Variants in LARP1 observed in about 807,000 individuals in gnomAD.
The protein encoded by LARP1 is la-related protein 1.
A neutral mutation model predicts 122.7 loss-of-function variants in LARP1; 36 were observed. The ratio of observed to expected loss-of-function variants is 0.29; its 90% CI spans 0.22 to 0.39. LARP1 has a LOEUF of 0.39. Ranked by LOEUF, LARP1 falls within the 10% of genes least tolerant of loss-of-function variation. LARP1 has a pLI of 1.00. For synonymous variants in LARP1, 539 were observed against 528.7 expected (o/e 1.02, Z -0.27); for missense variants, 1,040 against 1,403.6 (o/e 0.74, Z 4.14).
intron 1 of LARP1, among the ~76,000 whole-genome samples, chr5:154,766,827 T>C (rs896336049): frequency 1.3e-5 from 2 of 152,238 alleles, no homozygotes; most frequent in African/African-American, 4.8e-5. Context: ...CAGCCCAGTT[T>C]CCTAGTTGTC....
chr5:154,728,837 CT>C (rs1285763058), intron 1 of LARP1, among the ~76,000 whole-genome samples: 6 of 152,136 alleles, frequency 3.9e-5, no homozygotes, highest in Non-Finnish European at 8.8e-5. Context: ...GGGCTGAGAT[CT>C]AGATCTTTTT....
At chr5:154,689,460 A>C (rs1267128427) in intron 1 of LARP1, among the ~76,000 whole-genome samples, 5 of 151,858 alleles carry the variant, frequency 3.3e-5, no homozygotes, top group Non-Finnish European at 7.4e-5. Flanking sequence ...CAAAAAAATA[A>C]AAAATAAAAA....
chr5:154,803,887 C>G lies in LARP1; in HGVS notation c.2439+142C>G. The G allele has an allele frequency of 2.2e-6, 2 of 917,358 alleles. No homozygotes were observed. The highest frequency in any genetic ancestry group is 3.4e-6 in the Non-Finnish European group (2 of 595,838). The allele number at this position is 917,358 out of a possible 1,614,324, so 56.8% of individuals were successfully genotyped here. A position where few individuals can be genotyped will look rare whatever the true frequency, so the allele number is the denominator to read the frequency against. ...CTGTGTTCTGAGGCTGGTGGGCTTA[C>G]CTAGGATTAGGTAGCCACATCTGCA... On this transcript the variant is annotated intron_variant, in intron 13 of 18. Coordinates refer to ENST00000518297, the MANE Select transcript of LARP1 (RefSeq NM_033551.3). The surrounding 1 kb of genome is among the most constrained non-coding windows in gnomAD (Gnocchi z 4.4).
At chr5:154,761,236 TA>T (rs1290658002) in intron 1 of LARP1, among the ~76,000 whole-genome samples, 1 of 152,220 alleles carries the variant, frequency 6.6e-6, no homozygotes, top group African/African-American at 2.4e-5. Flanking sequence ...AGTTTCATAC[TA>T]ACCCGGAAGT....
exon 1 of LARP1, among the ~76,000 whole-genome samples, chr5:154,683,016 T>C (rs1197554794): frequency 6.6e-6 from 1 of 152,112 alleles, no homozygotes; most frequent in Non-Finnish European, 1.5e-5. Context: ...CTGCCGGCCG[T>C]GCTGGGAGAG....
intron 1 of LARP1, among the ~76,000 whole-genome samples, chr5:154,706,282 C>T (rs113079431): frequency 0.066 from 9,383 of 142,248 alleles, 458 homozygotes; most frequent in East Asian, 0.17. Flanking sequence ...AGACAGAGTG[C>T]GACTTTGTCT....
intron 1 of LARP1, among the ~76,000 whole-genome samples, chr5:154,724,119 G>A (rs1756055348): frequency 6.6e-6 from 1 of 152,202 alleles, no homozygotes; most frequent in Admixed American, 6.6e-5. Flanking sequence ...AGATTTCACT[G>A]GTTGTTGTGA....
intron 1 of LARP1, among the ~76,000 whole-genome samples, chr5:154,690,794 G>A (rs1048273865): frequency 6.6e-6 from 1 of 152,246 alleles, no homozygotes; most frequent in Non-Finnish European, 1.5e-5. Flanking sequence ...CGGCCTGGCG[G>A]GACAGGGCGC....
At chr5:154,690,861 A>G (rs1375076433) in intron 1 of LARP1, among the ~76,000 whole-genome samples, 5 of 152,186 alleles carry the variant, frequency 3.3e-5, no homozygotes, top group Non-Finnish European at 7.3e-5. Context: ...GGTAAAATAG[A>G]TATAAAAAAA....
intron 1 of LARP1, among the ~76,000 whole-genome samples, chr5:154,726,180 C>A (rs1402161530): frequency 1.3e-5 from 2 of 152,070 alleles, no homozygotes; most frequent in African/African-American, 4.8e-5. Context: ...AAGGGCAACA[C>A]CCTAGGAGTA....
At chr5:154,764,968 CG>C (rs1303396975) in intron 1 of LARP1, among the ~76,000 whole-genome samples, 1 of 152,000 alleles carries the variant, frequency 6.6e-6, no homozygotes, top group Non-Finnish European at 1.5e-5. Context: ...TGTACCGCCT[CG>C]TCTCTTGCTG....
rs114985601 is a variant in LARP1 at position 154,776,694 on chromosome 5, G to T, written c.437-13631G>T. On this transcript the variant is annotated intron_variant, in intron 1 of 18. Transcript: ENST00000518297. ...TTCTGGAGTTTATAGAGGGAGTCAA[G>T]AATCTGCATTTCTCCCAAGCCAGCC... Among the ~76,000 whole-genome samples, 1,262 of 152,314 alleles carry T rather than the reference G, an allele frequency of 8.3e-3. 12 individuals are homozygous for T. Among genetic ancestry groups the T allele is most frequent in the Non-Finnish European group, 0.013 (862 of 68,020 alleles).
chr5:154,691,206 G>T (rs1404750927), intron 1 of LARP1, among the ~76,000 whole-genome samples: 1 of 150,064 alleles, frequency 6.7e-6, no homozygotes, highest in Non-Finnish European at 1.5e-5. Context: ...AGCTTGCAGT[G>T]AGCCGAGATC....
intron 1 of LARP1, among the ~76,000 whole-genome samples, chr5:154,756,766 G>A (rs1055564682): frequency 2.0e-5 from 3 of 152,154 alleles, no homozygotes; most frequent in Admixed American, 1.3e-4. Context: ...TTTGGAGACG[G>A]GTTGAGGGGT....
In LARP1 at chr5:154,717,683, A is replaced by G. The variant is rs539282885; in HGVS notation, c.205+4553A>G. Reference sequence around the variant, plus strand: ...GTGATATCAGTACTGGTAGGATGCCAATTCCCAATACTTTGATCAAAAAGT... The same window carrying G: ...GTGATATCAGTACTGGTAGGATGCCGATTCCCAATACTTTGATCAAAAAGT... On this transcript the variant is annotated intron_variant, in intron 1 of 18. Coordinates refer to the LARP1 transcript ENST00000336314. Among the ~76,000 whole-genome samples, 9 of 152,274 alleles carry G rather than the reference A, an allele frequency of 5.9e-5. No homozygotes were observed. The East Asian group carries it at 1.7e-3, about 29-fold the overall frequency.
intron 1 of LARP1, among the ~76,000 whole-genome samples, chr5:154,777,791 A>G (rs972337589): frequency 3.9e-5 from 6 of 152,178 alleles, no homozygotes; most frequent in African/African-American, 1.2e-4. Flanking sequence ...AAGTATCTCA[A>G]CTACCCCATA....
chr5:154,756,197 G>T lies in LARP1; in HGVS notation c.436+4G>T. 7.8e-7 allele frequency: 1 copy of T among 1,275,280 alleles called. No homozygotes were observed. 79.0% of individuals were successfully genotyped at this position (1,275,280 alleles called of 1,614,324 possible). ...GTGAACGGACAGTCCCCCCCAGGTG[G>T]GTCTCCCTCCTTGCCCTCCTGGGTC... On this transcript the variant is annotated splice_donor_region_variant and intron_variant, in intron 1 of 18. Coordinates refer to ENST00000518297, the MANE Select transcript of LARP1 (RefSeq NM_033551.3).
Position 154,756,057 on chromosome 5 carries a change from C to T in LARP1, c.300C>T (p.Gly100=), listed in dbSNP as rs771434438. ...GGGAGGAGGGCGGCGGCGAGCCAGG[C>T]GCTGGCGGAGGAGCTGCCGGAGCCG... is the stretch of plus-strand genomic sequence containing the variant. ...SDGEEGGGEP[G]AGGGAAGAAG... is the part of the protein sequence containing the mutation. Residue 100 remains glycine, a synonymous_variant, in exon 1 of 19, where the codon GGC becomes GGT. Coordinates refer to ENST00000518297, the MANE Select transcript of LARP1 (RefSeq NM_033551.3). 1.8e-6 allele frequency: 2 copies of T among 1,101,252 alleles called. No homozygotes were observed. The highest frequency in any genetic ancestry group is 2.2e-6 in the Non-Finnish European group (2 of 895,710). 68.2% of individuals were successfully genotyped at this position (1,101,252 alleles called of 1,614,324 possible).
At chr5:154,762,958 A>C (rs1329139003) in intron 1 of LARP1, among the ~76,000 whole-genome samples, 1 of 152,042 alleles carries the variant, frequency 6.6e-6, no homozygotes, top group African/African-American at 2.4e-5. Context: ...GGCTCTTGAT[A>C]ATTCAGAGAT....
Sources: gnomAD v4.1 joint callset for allele counts (sites outside exome capture counted in the v4.1 genomes callset) on GRCh38, gnomAD v4.1.1 for gene constraint, Gnocchi (gnomAD v3.1) non-coding constraint, MANE v1.5 for transcripts, NCBI Gene and HGNC (gene_info 2026-07-23, HGNC 2026-07-21) for gene names.